The following AKT3 variants were observed in gnomAD, a reference collection of about 807,000 sequenced individuals.
The protein encoded by AKT3 is AKT serine/threonine kinase 3.
A neutral mutation model predicts 65.3 loss-of-function variants in AKT3; 15 were observed. The observed-to-expected ratio is 0.23, with a 90% CI of 0.15 to 0.35. AKT3 has a LOEUF of 0.35. Among genes scored for constraint, AKT3 ranks in the 10% least tolerant of loss-of-function variants. The pLI, the probability that AKT3 is intolerant of heterozygous loss-of-function variation, is 1.00. For missense variants in AKT3, 243 were observed against 576.5 expected (o/e 0.42, Z 5.92); for synonymous variants, 206 against 183.8 (o/e 1.12, Z -0.98).
At chr1:243,808,592 T>A (rs894156427) in intron 2 of AKT3, among the ~76,000 whole-genome samples, 1 of 152,182 alleles carries the variant, frequency 6.6e-6, no homozygotes, top group South Asian at 2.1e-4. Flanking sequence ...TGGAACCAAG[T>A]TGGAAAACAC....
downstream of AKT3, among the ~76,000 whole-genome samples, chr1:243,499,039 G>T (rs975419766): frequency 2.0e-5 from 3 of 152,222 alleles, no homozygotes; most frequent in Non-Finnish European, 4.4e-5. Flanking sequence ...AACATTTCCA[G>T]TGGCTTCTGA....
intron 2 of AKT3, among the ~76,000 whole-genome samples, chr1:243,776,073 C>A (rs1690524499): frequency 6.6e-6 from 1 of 152,208 alleles, no homozygotes; most frequent in African/African-American, 2.4e-5. Context: ...CATCTCTCCA[C>A]AGCATGCCTA....
chr1:243,772,021 C>T (rs1467383191), intron 2 of AKT3, among the ~76,000 whole-genome samples: 1 of 152,188 alleles, frequency 6.6e-6, no homozygotes, highest in Non-Finnish European at 1.5e-5. Context: ...TTCCTTACAA[C>T]TCATACAAAA....
At chr1:243,574,403 C>T (rs1674790193) in intron 8 of AKT3, among the ~76,000 whole-genome samples, 1 of 152,032 alleles carries the variant, frequency 6.6e-6, no homozygotes, top group Non-Finnish European at 1.5e-5. Flanking sequence ...ATTTTGCAGT[C>T]TCTAAACTTT....
intron 2 of AKT3, chr1:243,794,199 A>G (rs1223810679): frequency 6.6e-6 from 1 of 152,124 alleles, no homozygotes; most frequent in Non-Finnish European, 1.5e-5. Context: ...ATGCCCACCT[A>G]ATTTTTCTGT....
chr1:243,815,011 G>A (rs906094247), intron 2 of AKT3, among the ~76,000 whole-genome samples: 4 of 152,098 alleles, frequency 2.6e-5, no homozygotes. Context: ...TATTTCTAAG[G>A]TCTTAAAGGA....
At chr1:243,707,997 G>A (rs546238843) in intron 2 of AKT3, among the ~76,000 whole-genome samples, 120 of 152,072 alleles carry the variant, frequency 7.9e-4, no homozygotes, top group Non-Finnish European at 1.4e-3. Flanking sequence ...AATGAATACT[G>A]CTCTATATTA....
intron 2 of AKT3, among the ~76,000 whole-genome samples, chr1:243,838,050 CTTGATTG>C (rs58461955): frequency 0.05 from 7,571 of 152,102 alleles, 634 homozygotes; most frequent in African/African-American, 0.17. Flanking sequence ...ATACATAAAA[CTTGATTG>C]TTGATTGAGA....
chr1:243,592,244 A>T (rs1676282562), intron 8 of AKT3, among the ~76,000 whole-genome samples: 2 of 152,102 alleles, frequency 1.3e-5, no homozygotes, highest in Non-Finnish European at 2.9e-5. Context: ...CTGAGGCAGG[A>T]GAATGGCGTG....
intron 11 of AKT3, among the ~76,000 whole-genome samples, chr1:243,547,360 A>C (rs1052517923): frequency 2.6e-5 from 4 of 152,212 alleles, no homozygotes; most frequent in Non-Finnish European, 2.9e-5. Flanking sequence ...ATTATTAGTA[A>C]ATTTATATAA....
At chr1:243,606,419 G>A (rs895008578) in intron 8 of AKT3, among the ~76,000 whole-genome samples, 3 of 152,210 alleles carry the variant, frequency 2.0e-5, no homozygotes, top group African/African-American at 7.2e-5. Flanking sequence ...TTACTGGTAA[G>A]TGGAGTAAAG....
chr1:243,651,291 G>A (rs1415179232), intron 4 of AKT3, among the ~76,000 whole-genome samples: 1 of 152,094 alleles, frequency 6.6e-6, no homozygotes, highest in African/African-American at 2.4e-5. Context: ...AGGAGATTTG[G>A]GGCTGAGACA....
At chr1:243,787,559 G>A (rs1420519031) in intron 2 of AKT3, among the ~76,000 whole-genome samples, 6 of 152,176 alleles carry the variant, frequency 3.9e-5, no homozygotes, top group Non-Finnish European at 5.9e-5. Flanking sequence ...AGGGTATTCA[G>A]AGCTGAACCA....
intron 12 of AKT3, among the ~76,000 whole-genome samples, chr1:243,518,256 C>G (rs1370861246): frequency 6.6e-6 from 1 of 152,182 alleles, no homozygotes; most frequent in Admixed American, 6.5e-5. Context: ...GTGAAGACAA[C>G]TCAGTGGAAT....
At chr1:243,528,813 T>C (rs192650211) in intron 12 of AKT3, among the ~76,000 whole-genome samples, 2 of 152,334 alleles carry the variant, frequency 1.3e-5, no homozygotes, top group East Asian at 3.9e-4. Flanking sequence ...GGCAGAAGAA[T>C]TTACATTCCA....
chr1:243,618,822 C>A (rs559842529), intron 6 of AKT3, among the ~76,000 whole-genome samples: 9 of 152,134 alleles, frequency 5.9e-5, no homozygotes, highest in Admixed American at 1.3e-4. Context: ...TTTCATTTGA[C>A]CCTCTCGATG....
intron 4 of AKT3, among the ~76,000 whole-genome samples, chr1:243,657,502 C>T (rs904701365): frequency 6.6e-6 from 1 of 151,960 alleles, no homozygotes; most frequent in Non-Finnish European, 1.5e-5. Flanking sequence ...AAAGGAGACA[C>T]AAATAAATGG....
At chr1:243,652,463 AG>A (rs1681426373) in intron 4 of AKT3, among the ~76,000 whole-genome samples, 1 of 152,142 alleles carries the variant, frequency 6.6e-6, no homozygotes, top group South Asian at 2.1e-4. Context: ...AAACACGCAA[AG>A]GAACAACTGA....
At chr1:243,673,834 C>T (rs1049413708) in intron 3 of AKT3, among the ~76,000 whole-genome samples, 8 of 152,008 alleles carry the variant, frequency 5.3e-5, no homozygotes, top group African/African-American at 1.7e-4. Flanking sequence ...AGGATGGTCT[C>T]GGTCTCTTGA....
Sources: gnomAD v4.1 joint callset for allele counts (sites outside exome capture counted in the v4.1 genomes callset) on GRCh38, gnomAD v4.1.1 for gene constraint, MANE v1.5 for transcripts, NCBI Gene and HGNC (gene_info 2026-07-23, HGNC 2026-07-21) for gene names.